Variants in EHBP1 observed in about 807,000 individuals in gnomAD.
EHBP1 encodes EH domain-binding protein 1.
EHBP1 carries 55 observed loss-of-function variants against 144.0 expected under a neutral mutation model. That is an observed-to-expected ratio of 0.38 (90% CI 0.31 to 0.48). EHBP1 has a LOEUF of 0.48. Ranked by LOEUF, EHBP1 falls within the 20% of genes least tolerant of loss-of-function variation. The probability of loss-of-function intolerance (pLI) is 0.98; values close to 1 mark genes in which losing one functional copy is unlikely to be tolerated. For synonymous variants in EHBP1, 469 were observed against 472.7 expected (o/e 0.99, Z 0.10); for missense variants, 1,200 against 1,364.2 (o/e 0.88, Z 1.90).
At chr2:62,799,021 A>AAAAAG (rs2043777891) in intron 5 of EHBP1, among the ~76,000 whole-genome samples, 2 of 151,674 alleles carry the variant, frequency 1.3e-5, no homozygotes, top group African/African-American at 4.8e-5. Flanking sequence ...AAAAAAAAAA[A>AAAAAG]AAAAGAAATT....
chr2:62,907,251 C>T (rs1030654268), intron 10 of EHBP1, among the ~76,000 whole-genome samples: 1 of 152,154 alleles, frequency 6.6e-6, no homozygotes, highest in Admixed American at 6.5e-5. Flanking sequence ...TATATTCCCA[C>T]CAGCAATTTA....
chr2:62,872,605 A>G (rs1055873815), intron 9 of EHBP1, among the ~76,000 whole-genome samples: 1 of 152,128 alleles, frequency 6.6e-6, no homozygotes, highest in African/African-American at 2.4e-5. Context: ...TATATGCTTC[A>G]CATAACATGA....
intron 7 of EHBP1, among the ~76,000 whole-genome samples, chr2:62,854,812 G>A (rs540728264): frequency 1.2e-4 from 18 of 152,322 alleles, no homozygotes; most frequent in African/African-American, 3.6e-4. Flanking sequence ...GCAGGGAGGC[G>A]TGGCTGAGGC....
At chr2:62,796,124 A>G (rs1309880686) in intron 5 of EHBP1, among the ~76,000 whole-genome samples, 1 of 151,952 alleles carries the variant, frequency 6.6e-6, no homozygotes, top group African/African-American at 2.4e-5. Context: ...GGTAATCAGG[A>G]TAAAAATGGA....
chr2:62,948,334 T>G lies in EHBP1; in HGVS notation c.1488T>G (p.Pro496=). The G allele has an allele frequency of 6.2e-7, 1 of 1,611,742 alleles. No individual in the cohort carries two copies. Among genetic ancestry groups the G allele is most frequent in the Non-Finnish European group, 8.5e-7 (1 of 1,179,174 alleles). Residue 496 remains proline (P), a synonymous_variant, in exon 13 of 23, where the codon CCT becomes CCG. Transcript: ENST00000431489. ...EPSDMVLLAI[P]DKLTVMTYLY... ...CTGATATGGTATTATTAGCAATTCC[T>G]GATAAACTGACTGTTATGACTTATC...
chr2:62,919,596 CTG>C (rs1314126215), intron 10 of EHBP1, among the ~76,000 whole-genome samples: 2 of 152,048 alleles, frequency 1.3e-5, no homozygotes, highest in African/African-American at 4.8e-5. Flanking sequence ...ATTCCAATGT[CTG>C]TTTTTTAATG....
At chr2:62,753,342 T>C (rs1295796286) in intron 3 of EHBP1, among the ~76,000 whole-genome samples, 1 of 152,228 alleles carries the variant, frequency 6.6e-6, no homozygotes, top group Non-Finnish European at 1.5e-5. Context: ...CACTCTCTTC[T>C]GGCTTGTAGA....
At chr2:62,744,508 A>G (rs1260275409) in intron 2 of EHBP1, among the ~76,000 whole-genome samples, 1 of 152,056 alleles carries the variant, frequency 6.6e-6, no homozygotes, top group Non-Finnish European at 1.5e-5. Context: ...GCAGTTCTTT[A>G]TTTTAGAACA....
At chr2:63,025,851 AACAAAATGGC>A (rs1559084060) in intron 19 of EHBP1, among the ~76,000 whole-genome samples, 1 of 152,226 alleles carries the variant, frequency 6.6e-6, no homozygotes, top group Non-Finnish European at 1.5e-5. Flanking sequence ...CTTCTAACTG[AACAAAATGGC>A]AATTAGCACA....
chr2:62,997,540 T>C (rs1459076483), intron 19 of EHBP1, among the ~76,000 whole-genome samples: 1 of 151,546 alleles, frequency 6.6e-6, no homozygotes, highest in African/African-American at 2.4e-5. Flanking sequence ...TACCAAATTA[T>C]AAGTTATATT....
chr2:62,836,131 G>T (rs990713568), intron 7 of EHBP1, among the ~76,000 whole-genome samples: 6 of 152,114 alleles, frequency 3.9e-5, no homozygotes, highest in Admixed American at 2.6e-4. Flanking sequence ...CTCCCAGCAC[G>T]CAGCTGGAGA....
At chr2:62,916,565 C>A (rs2054632533) in intron 10 of EHBP1, among the ~76,000 whole-genome samples, 2 of 150,948 alleles carry the variant, frequency 1.3e-5, no homozygotes, top group Non-Finnish European at 2.9e-5. Context: ...TGCACACCAC[C>A]TTGGGCAACA....
At chr2:62,751,648 G>A (rs2039731619) in intron 3 of EHBP1, among the ~76,000 whole-genome samples, 4 of 152,222 alleles carry the variant, frequency 2.6e-5, no homozygotes, top group Admixed American at 6.5e-5. Context: ...ATTAATTATT[G>A]CCTCAATTTC....
intron 14 of EHBP1, among the ~76,000 whole-genome samples, chr2:62,977,162 TC>T (rs1237445963): frequency 1.3e-5 from 2 of 150,898 alleles, no homozygotes; most frequent in Non-Finnish European, 3.0e-5. Flanking sequence ...AATTGATGAT[TC>T]CCCTAGACTT....
chr2:62,679,941 G>T (rs922937239), intron 1 of EHBP1, among the ~76,000 whole-genome samples: 1 of 152,170 alleles, frequency 6.6e-6, no homozygotes, highest in Admixed American at 6.5e-5. Context: ...TCATCTGAGC[G>T]TTTATCTAGA....
At chr2:62,713,580 G>A (rs1325385434) in intron 2 of EHBP1, among the ~76,000 whole-genome samples, 1 of 152,098 alleles carries the variant, frequency 6.6e-6, no homozygotes, top group Non-Finnish European at 1.5e-5. Context: ...GGGAGAGATG[G>A]GGCAGAAGGT....
At chr2:63,035,288 AT>A (rs1196923002) in intron 19 of EHBP1, among the ~76,000 whole-genome samples, 15 of 152,092 alleles carry the variant, frequency 9.9e-5, no homozygotes, top group African/African-American at 2.7e-4. Context: ...ATCTTCAAAT[AT>A]GTTTTTCCAG....
chr2:62,968,421 C>CAT (rs1261383395), intron 14 of EHBP1, among the ~76,000 whole-genome samples: 1 of 152,032 alleles, frequency 6.6e-6, no homozygotes, highest in Non-Finnish European at 1.5e-5. Flanking sequence ...TACATAAGCA[C>CAT]ATATATATCT....
At chr2:62,936,150 G>C (rs2056371015) in intron 10 of EHBP1, among the ~76,000 whole-genome samples, 1 of 152,018 alleles carries the variant, frequency 6.6e-6, no homozygotes, top group Non-Finnish European at 1.5e-5. Context: ...CATTTTTCCA[G>C]TTTTCTATAA....
Sources: allele counts gnomAD v4.1 joint callset (sites outside exome capture counted in the v4.1 genomes callset), GRCh38; gene constraint gnomAD v4.1.1; transcripts MANE v1.5; gene names NCBI Gene and HGNC (gene_info 2026-07-23, HGNC 2026-07-21).